The following XKR5 variants were observed in gnomAD, a reference collection of about 807,000 sequenced individuals.
XKR5 encodes the protein XK related 5, also known as XK-related protein 5.
XKR5 carries 46 observed loss-of-function variants against 40.8 expected under a neutral mutation model. The ratio of observed to expected loss-of-function variants is 1.13; its 90% confidence interval spans 0.89 to 1.44. XKR5 has a LOEUF of 1.44. Ranked by LOEUF, XKR5 falls within the 40% of genes most tolerant of loss-of-function variation. The pLI, the probability that XKR5 is intolerant of heterozygous loss-of-function variation, is 0.00. For synonymous variants in XKR5, 466 were observed against 356.1 expected (o/e 1.31, Z -3.48); for missense variants, 1,169 against 844.7 (o/e 1.38, Z -4.76).
rs1392847838 is a variant in XKR5 at position 6,810,651 on chromosome 8, A to C, written c.*547T>G. The C allele has an allele frequency of 6.6e-6, 1 of 152,580 alleles. No individual in the cohort carries two copies. Among genetic ancestry groups the C allele is most frequent in the African/African-American group, 2.4e-5 (1 of 41,450 alleles). The allele number at this position is 152,580 out of a possible 1,614,324, so 9.5% of individuals were successfully genotyped here. A position where few individuals can be genotyped will look rare whatever the true frequency, so the allele number is the denominator to read the frequency against. On this transcript the variant is annotated 3_prime_UTR_variant, in exon 7 of 7. Coordinates refer to ENST00000618742, the MANE Select transcript of XKR5 (RefSeq NM_207411.5). ...TAATATTGTCCCCTAACCAAAAGAT[A>C]TGGGAATCTTAGAATGACATTTGCA...
chr8:6,811,483 G>T lies in XKR5; in HGVS notation c.1776C>A (p.Pro592=). Reference sequence around the variant, plus strand: ...TGGGGCTAATGTCGGCCATGGTGTCGGGGAAGGGCGCCAAGCCCACTGGGT... The same window carrying T: ...TGGGGCTAATGTCGGCCATGGTGTCTGGGAAGGGCGCCAAGCCCACTGGGT... ...SPHPVGLAPF[P]DTMADISPIL... is the part of the protein sequence containing the mutation. The change falls in exon 7 of 7, where the codon CCC becomes CCA. Residue 592 remains proline, a synonymous_variant. Coordinates refer to ENST00000618742, the MANE Select transcript of XKR5 (RefSeq NM_207411.5). 1 of 1,528,008 alleles carries T rather than the reference G, an allele frequency of 6.5e-7. No individual in the cohort carries two copies. The highest frequency in any genetic ancestry group is 8.8e-7 in the Non-Finnish European group (1 of 1,141,678). The allele number at this position is 1,528,008 out of a possible 1,614,324, so 94.7% of individuals were successfully genotyped here. A position where few individuals can be genotyped will look rare whatever the true frequency, so the allele number is the denominator to read the frequency against.
chr8:6,825,330 TC>T lies in XKR5; in HGVS notation c.261del (p.Thr88ProfsTer46). 6.3e-7 allele frequency: 1 copy of T among 1,588,474 alleles called. No individual in the cohort carries two copies. The highest frequency in any genetic ancestry group is 1.1e-5 in the South Asian group (1 of 88,420). On this transcript the variant is annotated frameshift_variant, in exon 3 of 7. Coordinates refer to ENST00000618742, the MANE Select transcript of XKR5 (RefSeq NM_207411.5). LOFTEE classifies it high-confidence loss of function. ...GCCTCCAGTTCCTTCTGCAGACTGG[TC>T]AGTGCAGCGTCCCAGTGCCTAGGGA... Reference protein sequence around the residue: ...GVWKRHWDAALTSLQKELEAP... With the variant: ...GVWKRHWDAAXTSLQKELEAP...
At chr8:6,822,317 C>T (rs1804278078) in intron 4 of XKR5, among the ~76,000 whole-genome samples, 1 of 152,132 alleles carries the variant, frequency 6.6e-6, no homozygotes, top group Non-Finnish European at 1.5e-5. Context: ...TATTGTATAC[C>T]TATGACCTTT....
intron 6 of XKR5, among the ~76,000 whole-genome samples, chr8:6,814,599 T>C (rs1739516486): frequency 6.6e-6 from 1 of 152,160 alleles, no homozygotes; most frequent in Admixed American, 6.5e-5. Flanking sequence ...TTGCGAGATA[T>C]TACCACTGGG....
Position 6,811,012 on chromosome 8 carries a change from T to C in XKR5, c.*186A>G. 1.6e-6 allele frequency: 1 copy of C among 607,830 alleles called. No homozygotes were observed. The highest frequency in any genetic ancestry group is 2.8e-6 in the Non-Finnish European group (1 of 352,210). The allele number at this position is 607,830 out of a possible 1,614,324, so 37.7% of individuals were successfully genotyped here. On this transcript the variant is annotated 3_prime_UTR_variant, in exon 7 of 7. Transcript: ENST00000618742. Reference sequence around the variant, plus strand: ...TCCTATGCATGGGTGGGGTCTGTGATGTTTGCATTGGACCTGCAAAATCAT... The same window carrying C: ...TCCTATGCATGGGTGGGGTCTGTGACGTTTGCATTGGACCTGCAAAATCAT...
At chr8:6,827,858 G>T (rs2117111495) in intron 2 of XKR5, among the ~76,000 whole-genome samples, 1 of 152,216 alleles carries the variant, frequency 6.6e-6, no homozygotes, top group South Asian at 2.1e-4. Context: ...TTGAGCTTGG[G>T]AGTTTGAGAC....
At position 6,822,105 on chromosome 8, in the gene XKR5, G is replaced by C; in HGVS notation, c.638-67C>G. 3 of 1,478,418 alleles carry C rather than the reference G, an allele frequency of 2.0e-6. No individual in the cohort carries two copies. In the South Asian group the frequency reaches 4.0e-5, roughly 20 times the overall value. The allele number at this position is 1,478,418 out of a possible 1,614,324, so 91.6% of individuals were successfully genotyped here. On this transcript the variant is annotated intron_variant, in intron 4 of 6. Transcript: ENST00000618742. ...AGATGGGGGGACAGGCAAGGACACAGAGACCAGGGGCTGGAAGGCTCTCCG... is the reference window on the plus strand; with the variant it reads ...AGATGGGGGGACAGGCAAGGACACACAGACCAGGGGCTGGAAGGCTCTCCG...
chr8:6,810,387 T>C lies in XKR5; in HGVS notation c.*811A>G, dbSNP rs1467208879. ...GATAGTGTCTCACATTGAATGGAAG[T>C]GGGAACAAAGCTTGGACATAAAGGA... is the stretch of plus-strand genomic sequence containing the variant. On this transcript the variant is annotated 3_prime_UTR_variant, in exon 7 of 7. Coordinates refer to ENST00000618742, the MANE Select transcript of XKR5 (RefSeq NM_207411.5). 1.3e-5 allele frequency: 2 copies of C among 152,148 alleles called. No individual in the cohort carries two copies. The highest frequency in any genetic ancestry group is 4.8e-5 in the African/African-American group (2 of 41,410). 9.4% of individuals were successfully genotyped at this position (152,148 alleles called of 1,614,324 possible).
intron 2 of XKR5, among the ~76,000 whole-genome samples, chr8:6,827,521 C>T (rs1804564979): frequency 6.6e-6 from 1 of 152,300 alleles, no homozygotes; most frequent in South Asian, 2.1e-4. Flanking sequence ...GGACAGATGT[C>T]TAAGAAAAAC....
Position 6,832,734 on chromosome 8 carries a change from C to G in XKR5, c.225G>C (p.Gln75His). The part of the protein sequence containing the change: ...HCSLMMLHLL[Q>H]LGVWKRHWDA... Reference sequence around the variant, plus strand: ...GTTCTTACCGCTTCCAAACACCAAGCTGTAGGAGGTGCAGCATCATCAAGG... The same window carrying G: ...GTTCTTACCGCTTCCAAACACCAAGGTGTAGGAGGTGCAGCATCATCAAGG... Residue 75 changes from glutamine to histidine, a missense_variant, in exon 2 of 7, where the codon CAG becomes CAC. Coordinates refer to ENST00000618742, the MANE Select transcript of XKR5 (RefSeq NM_207411.5). 2 of 1,613,134 alleles carry G rather than the reference C, an allele frequency of 1.2e-6. No individual in the cohort carries two copies. The highest frequency in any genetic ancestry group is 1.7e-6 in the Non-Finnish European group (2 of 1,179,578).
In XKR5 at chr8:6,811,299, C is replaced by A. The variant is rs1474435875; in HGVS notation, c.1960G>T (p.Ala654Ser). ...VWVSLPQLRT[A>S]HEPCLTSTPK... is the part of the protein sequence containing the mutation. ...GTGGACGTGAGGCAGGGCTCATGGG[C>A]AGTCCTCAGCTGTGGCAATGACACC... The change falls in exon 7 of 7, where the codon GCC becomes TCC. Residue 654 changes from alanine to serine, a missense_variant. Coordinates refer to ENST00000618742, the MANE Select transcript of XKR5 (RefSeq NM_207411.5). The A allele has an allele frequency of 9.1e-6, 14 of 1,537,196 alleles. No individual in the cohort carries two copies. Among genetic ancestry groups the A allele is most frequent in the Non-Finnish European group, 1.2e-5 (14 of 1,146,938 alleles).
At chr8:6,827,553 G>A (rs1804566581) in intron 2 of XKR5, among the ~76,000 whole-genome samples, 1 of 152,152 alleles carries the variant, frequency 6.6e-6, no homozygotes, top group Admixed American at 6.5e-5. Flanking sequence ...TTCATGATTT[G>A]GAATCCTGGA....
chr8:6,811,501 C>A lies in XKR5; in HGVS notation c.1758G>T (p.Val586=). ...SPAQPASPHP[V]GLAPFPDTMA... Reference sequence around the variant, plus strand: ...TGGTGTCGGGGAAGGGCGCCAAGCCCACTGGGTGGGGCGATGCAGGCTGGG... The same window carrying A: ...TGGTGTCGGGGAAGGGCGCCAAGCCAACTGGGTGGGGCGATGCAGGCTGGG... The change falls in exon 7 of 7, where the codon GTG becomes GTT. Residue 586 remains valine (V), a synonymous_variant. Coordinates refer to ENST00000618742, the MANE Select transcript of XKR5 (RefSeq NM_207411.5). 1 of 1,529,032 alleles carries A rather than the reference C, an allele frequency of 6.5e-7. No individual in the cohort carries two copies. 94.7% of individuals were successfully genotyped at this position (1,529,032 alleles called of 1,614,324 possible). A position where few individuals can be genotyped will look rare whatever the true frequency, so the allele number is the denominator to read the frequency against.
chr8:6,829,956 G>C (rs1176872093), intron 2 of XKR5, among the ~76,000 whole-genome samples: 3 of 142,082 alleles, frequency 2.1e-5, no homozygotes, highest in African/African-American at 7.9e-5. Context: ...TCCTGCCTCA[G>C]CCTCCCAAGT....
chr8:6,822,599 G>A (rs563697702), intron 4 of XKR5, among the ~76,000 whole-genome samples: 2 of 152,266 alleles, frequency 1.3e-5, no homozygotes, highest in Admixed American at 6.5e-5. Flanking sequence ...TGTATTCAAT[G>A]TTTGCTCTAG....
intron 1 of XKR5, among the ~76,000 whole-genome samples, chr8:6,835,013 G>A (rs879655703): frequency 2.6e-5 from 4 of 152,290 alleles, no homozygotes; most frequent in Admixed American, 2.0e-4. Flanking sequence ...GGTCGGGGGA[G>A]AGCCCGGGCG....
At chr8:6,833,350 C>G (rs1279715850) in intron 1 of XKR5, among the ~76,000 whole-genome samples, 1 of 152,248 alleles carries the variant, frequency 6.6e-6, no homozygotes, top group African/African-American at 2.4e-5. Flanking sequence ...GTGACATTCC[C>G]CTGTGGCCCG....
chr8:6,814,586 G>T (rs187173703), intron 6 of XKR5, among the ~76,000 whole-genome samples: 1 of 152,148 alleles, frequency 6.6e-6, no homozygotes, highest in African/African-American at 2.4e-5. Context: ...TTGTGCCACC[G>T]TTTTGCGAGA....
At chr8:6,825,801 A>G (rs1804446432) in intron 2 of XKR5, among the ~76,000 whole-genome samples, 1 of 152,196 alleles carries the variant, frequency 6.6e-6, no homozygotes, top group Non-Finnish European at 1.5e-5. Context: ...CCTTGTCTTC[A>G]TCCTCACAGA....
Sources: gnomAD v4.1 joint callset for allele counts (sites outside exome capture counted in the v4.1 genomes callset) on GRCh38, gnomAD v4.1.1 for gene constraint, MANE v1.5 for transcripts, NCBI Gene and HGNC (gene_info 2026-07-23, HGNC 2026-07-21) for gene names.